Variants in SAMD12 observed in about 807,000 individuals in gnomAD.
SAMD12 encodes sterile alpha motif domain containing 12.
A neutral mutation model predicts 15.0 loss-of-function variants in SAMD12; 9 were observed. The observed-to-expected ratio is 0.60, with a 90% confidence interval of 0.36 to 1.05. The LOEUF (loss-of-function observed/expected upper bound fraction) is 1.05, where lower values mean the gene tolerates loss of function less well. Among genes scored for constraint, SAMD12 ranks in the 50% least tolerant of loss-of-function variants. The pLI, the probability that SAMD12 is intolerant of heterozygous loss-of-function variation, is 0.01. For missense variants in SAMD12, 230 were observed against 234.2 expected (o/e 0.98, Z 0.12); for synonymous variants, 86 against 90.1 (o/e 0.96, Z 0.25).
At chr8:118,609,380 T>C (rs1828053781) in intron 1 of SAMD12, among the ~76,000 whole-genome samples, 1 of 152,218 alleles carries the variant, frequency 6.6e-6, no homozygotes, top group South Asian at 2.1e-4. Flanking sequence ...CTATCATCTG[T>C]AGTCAAATGT....
intron 1 of SAMD12, among the ~76,000 whole-genome samples, chr8:118,600,757 T>G (rs760177867): frequency 2.6e-5 from 4 of 152,232 alleles, no homozygotes; most frequent in Non-Finnish European, 4.4e-5. Flanking sequence ...CTTATCTTTG[T>G]TATGCACATT....
At chr8:118,334,749 C>A (rs1283479071) in intron 4 of SAMD12, among the ~76,000 whole-genome samples, 1 of 152,120 alleles carries the variant, frequency 6.6e-6, no homozygotes, top group East Asian at 1.9e-4. Context: ...TCATGCACCA[C>A]CATACCCGGC....
intron 4 of SAMD12, among the ~76,000 whole-genome samples, chr8:118,204,063 T>G (rs1819793176): frequency 6.6e-6 from 1 of 152,036 alleles, no homozygotes; most frequent in Non-Finnish European, 1.5e-5. Context: ...CCCCTCTTCT[T>G]CTCATCATTT....
intron 2 of SAMD12, among the ~76,000 whole-genome samples, chr8:118,503,274 C>T (rs1341274740): frequency 6.6e-6 from 1 of 152,126 alleles, no homozygotes; most frequent in African/African-American, 2.4e-5. Flanking sequence ...TGGTGTAATA[C>T]TAGAAAATGA....
At chr8:118,457,780 C>T (rs775483793) in intron 2 of SAMD12, among the ~76,000 whole-genome samples, 1 of 152,180 alleles carries the variant, frequency 6.6e-6, no homozygotes, top group Non-Finnish European at 1.5e-5. Context: ...AGCATCCATG[C>T]TGATGGGGCA....
intron 2 of SAMD12, among the ~76,000 whole-genome samples, chr8:118,491,632 A>G (rs1402884446): frequency 2.0e-5 from 3 of 151,954 alleles, no homozygotes; most frequent in Non-Finnish European, 4.4e-5. Context: ...AGTAACTTCT[A>G]TTTTATTTTC....
At chr8:118,550,531 C>G (rs910746023) in intron 2 of SAMD12, among the ~76,000 whole-genome samples, 1 of 152,102 alleles carries the variant, frequency 6.6e-6, no homozygotes, top group South Asian at 2.1e-4. Context: ...GAAGGAAGCA[C>G]TAAACATGGA....
chr8:118,578,809 C>T (rs977360024), intron 2 of SAMD12, among the ~76,000 whole-genome samples: 4 of 152,146 alleles, frequency 2.6e-5, no homozygotes, highest in Non-Finnish European at 4.4e-5. Context: ...TTACTAAAGC[C>T]TCTAGTCTGT....
chr8:118,359,397 C>A (rs1029458083), intron 4 of SAMD12, among the ~76,000 whole-genome samples: 1 of 152,132 alleles, frequency 6.6e-6, no homozygotes, highest in Non-Finnish European at 1.5e-5. Flanking sequence ...ACCCAGTCTG[C>A]GGTAGTTTGC....
chr8:118,445,218 T>G (rs555296894), intron 2 of SAMD12, among the ~76,000 whole-genome samples: 2 of 152,312 alleles, frequency 1.3e-5, no homozygotes, highest in Non-Finnish European at 2.9e-5. Flanking sequence ...CAGTTTTTAA[T>G]GCTCATTCAC....
At chr8:118,444,318 C>T (rs759086849) in intron 2 of SAMD12, among the ~76,000 whole-genome samples, 2 of 149,102 alleles carry the variant, frequency 1.3e-5, no homozygotes, top group Admixed American at 6.6e-5. Flanking sequence ...ATTTTGCTGC[C>T]CTGAAAGAGG....
chr8:118,321,311 GT>G (rs1342747707), intron 4 of SAMD12, among the ~76,000 whole-genome samples: 4 of 68,238 alleles, frequency 5.9e-5, no homozygotes, highest in Non-Finnish European at 1.1e-4. Context: ...TTTTTTTTTG[GT>G]TTTTTTTTAA....
chr8:118,352,533 A>G (rs1818006352), intron 4 of SAMD12, among the ~76,000 whole-genome samples: 1 of 152,226 alleles, frequency 6.6e-6, no homozygotes, highest in Admixed American at 6.5e-5. Flanking sequence ...CCAATAAAGC[A>G]TTATGCAACT....
intron 4 of SAMD12, chr8:118,284,311 T>C (rs1813813885): frequency 2.2e-6 from 1 of 456,200 alleles, no homozygotes; most frequent in Admixed American, 2.3e-5. Context: ...CTGGCTGGGA[T>C]GGCTTCATAA....
chr8:118,342,422 A>G (rs747511388), intron 4 of SAMD12, among the ~76,000 whole-genome samples: 2 of 152,226 alleles, frequency 1.3e-5, no homozygotes, highest in African/African-American at 4.8e-5. Context: ...AATCGTAGAT[A>G]AGGGATCTTT....
At chr8:118,394,746 T>C (rs540664620) in intron 3 of SAMD12, 6 of 152,284 alleles carry the variant, frequency 3.9e-5, no homozygotes, top group African/African-American at 1.4e-4. Context: ...TGAGACATAG[T>C]TGGATGATGG....
intron 4 of SAMD12, among the ~76,000 whole-genome samples, chr8:118,223,636 C>A (rs17507620): frequency 0.028 from 4,315 of 152,186 alleles, 203 homozygotes; most frequent in African/African-American, 0.097. Flanking sequence ...GGATTCCTTG[C>A]GGGATGGAAA....
At chr8:118,436,447 T>C (rs1423139649) in intron 3 of SAMD12, among the ~76,000 whole-genome samples, 1 of 152,208 alleles carries the variant, frequency 6.6e-6, no homozygotes, top group Non-Finnish European at 1.5e-5. Context: ...CCTATCTCTG[T>C]TTTCTTCTTC....
chr8:118,415,448 GGTGTGT>G (rs58176749), intron 3 of SAMD12, among the ~76,000 whole-genome samples: 3,117 of 142,920 alleles, frequency 0.022, 97 homozygotes, highest in African/African-American at 0.07. Context: ...CTTGTCCTAA[GGTGTGT>G]GTGTGTGTGT....
Sources: allele counts gnomAD v4.1 joint callset (sites outside exome capture counted in the v4.1 genomes callset), GRCh38; gene constraint gnomAD v4.1.1; transcripts MANE v1.5; gene names NCBI Gene and HGNC (gene_info 2026-07-23, HGNC 2026-07-21).